Variants in OR2C1 observed in about 807,000 individuals in gnomAD.
OR2C1 encodes the protein olfactory receptor family 2 subfamily C member 1, also known as olfactory receptor 2C1.
For synonymous variants in OR2C1, 209 were observed against 167.3 expected (o/e 1.25, Z -1.92); for missense variants, 468 against 388.3 (o/e 1.21, Z -1.73).
At chr16:3,333,725 C>A in the OR2C1 span, among the ~76,000 whole-genome samples, 11 of 152,086 alleles carry the variant, frequency 7.2e-5, no homozygotes, top group Admixed American at 5.2e-4. Flanking sequence ...ATTCATTTGT[C>A]TTGTTGCCTG....
chr16:3,334,327 G>T, the OR2C1 span, among the ~76,000 whole-genome samples: 2 of 42,208 alleles, frequency 4.7e-5, no homozygotes, highest in Non-Finnish European at 6.9e-5. Flanking sequence ...TAGTAGAGAC[G>T]GGGTTTCACC....
chr16:3,329,391 A>G, the OR2C1 span, among the ~76,000 whole-genome samples: 1 of 152,120 alleles, frequency 6.6e-6, no homozygotes, highest in African/African-American at 2.4e-5. Flanking sequence ...TATAGGATAG[A>G]TAAGAATAAA....
chr16:3,328,181 A>C, the OR2C1 span, among the ~76,000 whole-genome samples: 1 of 152,210 alleles, frequency 6.6e-6, no homozygotes, highest in Non-Finnish European at 1.5e-5. Context: ...ATAGTCAAGA[A>C]GTGTGCTACA....
chr16:3,342,304 A>C, the OR2C1 span, among the ~76,000 whole-genome samples: 5 of 152,212 alleles, frequency 3.3e-5, no homozygotes, highest in Non-Finnish European at 7.3e-5. Flanking sequence ...CAGAAAATGT[A>C]CTAAATAGAT....
chr16:3,356,885 C>T lies in OR2C1; in HGVS notation c.*6C>T. 1.3e-6 allele frequency: 2 copies of T among 1,560,418 alleles called. No homozygotes were observed. Among genetic ancestry groups the T allele is most frequent in the South Asian group, 2.4e-5 (2 of 82,758 alleles). On this transcript the variant is annotated 3_prime_UTR_variant, in exon 1 of 1. Coordinates refer to ENST00000304936, the MANE Select transcript of OR2C1 (RefSeq NM_012368.3). The stretch of plus-strand genomic sequence containing the variant: ...AAGGAAGAGAAGTTGGCTGAGAGAA[C>T]ACTCCTTCGTTATTTATTGCGTCTT...
chr16:3,351,095 C>G (rs767327226), upstream of OR2C1, among the ~76,000 whole-genome samples: 1 of 150,900 alleles, frequency 6.6e-6, no homozygotes, highest in Non-Finnish European at 1.5e-5. Flanking sequence ...AGGCAAATCT[C>G]TAAGCATACC....
rs373844589 is a variant in OR2C1 at position 3,356,249 on chromosome 16, C to G, written c.309C>G (p.Val103=). The G allele has an allele frequency of 1.2e-6, 2 of 1,614,074 alleles. No homozygotes were observed. The highest frequency in any genetic ancestry group is 3.3e-5 in the Admixed American group (2 of 60,028). The change falls in exon 1 of 1, where the codon GTC becomes GTG. Residue 103 remains valine (V), a synonymous_variant. Transcript: ENST00000304936. ...GTGGCTGCATAACCCAGCTCTATGT[C>G]TTCCTTTGGCTGGGGGCCACCGAGT... The part of the protein sequence containing the change: ...SYGGCITQLY[V]FLWLGATECI...
At chr16:3,326,480 A>G in the OR2C1 span, among the ~76,000 whole-genome samples, 4 of 152,234 alleles carry the variant, frequency 2.6e-5, no homozygotes, top group African/African-American at 2.4e-5. Flanking sequence ...GATATGGTTC[A>G]GTGCCCTCTG....
In OR2C1 at chr16:3,357,062, C is replaced by T; in HGVS notation, c.*183C>T. ...TTAGTGTTATTCGTAATGTTCTACACTTATTTACCAAAAATCCTACTGTGG... is the reference window on the plus strand; with the variant it reads ...TTAGTGTTATTCGTAATGTTCTACATTTATTTACCAAAAATCCTACTGTGG... On this transcript the variant is annotated 3_prime_UTR_variant, in exon 1 of 1. Coordinates refer to ENST00000304936, the MANE Select transcript of OR2C1 (RefSeq NM_012368.3). 1 of 596,570 alleles carries T rather than the reference C, an allele frequency of 1.7e-6. No homozygotes were observed. Among genetic ancestry groups the T allele is most frequent in the East Asian group, 2.9e-5 (1 of 34,154 alleles). The allele number at this position is 596,570 out of a possible 1,614,324, so 37.0% of individuals were successfully genotyped here.
the OR2C1 span, among the ~76,000 whole-genome samples, chr16:3,336,811 C>T: frequency 4.1e-5 from 6 of 146,570 alleles, no homozygotes; most frequent in Middle Eastern, 3.6e-3. Context: ...CAGGTTCAAG[C>T]GATTCTTCTT....
At chr16:3,354,378 C>G (rs928026076), upstream of OR2C1, among the ~76,000 whole-genome samples, 10 of 152,166 alleles carry the variant, frequency 6.6e-5, no homozygotes, top group African/African-American at 9.7e-5. Context: ...CTTCTAATTT[C>G]CCTTACTAAT....
At chr16:3,343,088 G>A in the OR2C1 span, among the ~76,000 whole-genome samples, 2 of 152,144 alleles carry the variant, frequency 1.3e-5, no homozygotes, top group African/African-American at 4.8e-5. Flanking sequence ...CAGGAGGTAG[G>A]TGGGTGTGGT....
chr16:3,333,302 G>C, the OR2C1 span, among the ~76,000 whole-genome samples: 1 of 126,444 alleles, frequency 7.9e-6, no homozygotes, highest in Non-Finnish European at 1.6e-5. Flanking sequence ...TCTTGTCAGA[G>C]GGAGAGTTTA....
the OR2C1 span, among the ~76,000 whole-genome samples, chr16:3,347,370 A>G: frequency 6.6e-6 from 1 of 151,602 alleles, no homozygotes; most frequent in Non-Finnish European, 1.5e-5. Context: ...ACTCCAGCCT[A>G]GGTGATAGAG....
chr16:3,323,929 T>C, the OR2C1 span: 2 of 887,534 alleles, frequency 2.3e-6, no homozygotes, highest in Non-Finnish European at 3.5e-6. Flanking sequence ...CTGCCATCTT[T>C]CTAGTGTTGT....
chr16:3,355,823 C>G (rs1326482719), upstream of OR2C1: 13 of 701,906 alleles, frequency 1.9e-5, no homozygotes, highest in Non-Finnish European at 2.9e-5. Flanking sequence ...ACTATGGATC[C>G]CAGAGAACTA....
chr16:3,327,223 A>G, the OR2C1 span, among the ~76,000 whole-genome samples: 1 of 152,048 alleles, frequency 6.6e-6, no homozygotes, highest in African/African-American at 2.4e-5. Context: ...ATCTTGTTTC[A>G]TTTATCCCCT....
the OR2C1 span, among the ~76,000 whole-genome samples, chr16:3,326,707 C>T: frequency 6.6e-6 from 1 of 152,178 alleles, no homozygotes; most frequent in Non-Finnish European, 1.5e-5. Context: ...CAGGGTTAGG[C>T]ATATGGCCTT....
At chr16:3,351,750 T>C (rs2030576973), upstream of OR2C1, among the ~76,000 whole-genome samples, 1 of 152,194 alleles carries the variant, frequency 6.6e-6, no homozygotes, top group African/African-American at 2.4e-5. Flanking sequence ...GGGACACCCA[T>C]TGCAAGTTGC....
Sources: allele counts gnomAD v4.1 joint callset (sites outside exome capture counted in the v4.1 genomes callset), GRCh38; gene constraint gnomAD v4.1.1; transcripts MANE v1.5; gene names NCBI Gene and HGNC (gene_info 2026-07-23, HGNC 2026-07-21).